The following MXI1 variants were observed in gnomAD, a reference collection of about 807,000 sequenced individuals.
The protein encoded by MXI1 is max-interacting protein 1.
A neutral mutation model predicts 36.9 loss-of-function variants in MXI1; 18 were observed. That is an observed-to-expected ratio of 0.49 (90% confidence interval 0.34 to 0.72). The LOEUF is 0.72. Ranked by LOEUF, MXI1 falls within the 30% of genes least tolerant of loss-of-function variation. MXI1 has a pLI of 0.01. For missense variants in MXI1, 304 were observed against 379.1 expected (o/e 0.80, Z 1.64); for synonymous variants, 160 against 146.7 (o/e 1.09, Z -0.65).
At chr10:110,284,793 A>ATGT (rs753910609) in intron 5 of MXI1, 31 bp from the exon 6 acceptor site, 189 of 1,017,880 alleles carry the variant, frequency 1.9e-4, no homozygotes, top group African/African-American at 5.7e-4. Flanking sequence ...TCGATAATTA[A>ATGT]TGTTCTTCTT....
chr10:110,219,820 A>G (rs141284153), intron 1 of MXI1, among the ~76,000 whole-genome samples: 14 of 152,226 alleles, frequency 9.2e-5, no homozygotes. Flanking sequence ...ATGCTTAAGG[A>G]ATATTTATTG....
intron 3 of MXI1, among the ~76,000 whole-genome samples, chr10:110,249,348 A>G (rs1379130363): frequency 1.1e-5 from 1 of 89,064 alleles, no homozygotes; most frequent in Non-Finnish European, 2.2e-5. Flanking sequence ...TCTTGGATAT[A>G]AGCTTCTCTG....
chr10:110,287,102 G>A lies in MXI1; in HGVS notation c.*2115G>A, dbSNP rs1300972040. 6.6e-6 allele frequency: 1 copy of A among 152,140 alleles called. No individual in the cohort carries two copies. Among genetic ancestry groups the A allele is most frequent in the Non-Finnish European group, 1.5e-5 (1 of 68,034 alleles). The allele number at this position is 152,140 out of a possible 1,614,324, so 9.4% of individuals were successfully genotyped here. A position where few individuals can be genotyped will look rare whatever the true frequency, so the allele number is the denominator to read the frequency against. ...CTTCTGTTTGTTTTGTTATTCTCAT[G>A]GCCTTCGCTTGCATTATTTGGGCCT... is the stretch of plus-strand genomic sequence containing the variant. On this transcript the variant is annotated 3_prime_UTR_variant, in exon 6 of 6. Transcript: ENST00000332674.
Position 110,227,661 on chromosome 10 carries a change from G to A in MXI1, c.275-528G>A, listed in dbSNP as rs967788492. The A allele has an allele frequency of 9.9e-6, 6 of 606,160 alleles. No individual in the cohort carries two copies. In the African/African-American group the frequency reaches 1.2e-4, roughly 12 times the overall value. 37.5% of individuals were successfully genotyped at this position (606,160 alleles called of 1,614,324 possible). A position where few individuals can be genotyped will look rare whatever the true frequency, so the allele number is the denominator to read the frequency against. ...TGGAGAGGGGCCTTTGAATACCTGC[G>A]GGGTGATGAGATGGGGTCCCTTTAG... On this transcript the variant is annotated intron_variant, in intron 1 of 5. Coordinates refer to ENST00000332674, the MANE Select transcript of MXI1 (RefSeq NM_130439.3).
At chr10:110,222,425 C>G (rs1434955071) in intron 1 of MXI1, among the ~76,000 whole-genome samples, 1 of 152,228 alleles carries the variant, frequency 6.6e-6, no homozygotes, top group African/African-American at 2.4e-5. Context: ...TACAACACAT[C>G]AGCCTCCATT....
At chr10:110,209,782 G>C (rs1050941658) in intron 1 of MXI1, among the ~76,000 whole-genome samples, 1 of 152,116 alleles carries the variant, frequency 6.6e-6, no homozygotes, top group Non-Finnish European at 1.5e-5. Context: ...TTTGTTGCAG[G>C]GGGGAGGGGC....
At chr10:110,275,847 A>C (rs1314568152) in intron 3 of MXI1, among the ~76,000 whole-genome samples, 1 of 152,256 alleles carries the variant, frequency 6.6e-6, no homozygotes, top group African/African-American at 2.4e-5. Context: ...TGTATTTACA[A>C]AATATGAAGA....
chr10:110,279,354 C>A, intron 4 of MXI1, 60 bp downstream of exon 4: 1 of 1,378,708 alleles, frequency 7.3e-7, no homozygotes, highest in Non-Finnish European at 1.0e-6. Context: ...ATTATTGGCA[C>A]TGATTCCTAT....
intron 3 of MXI1, among the ~76,000 whole-genome samples, chr10:110,274,872 ATTTTTT>A (rs66570053): frequency 3.6e-5 from 4 of 109,998 alleles, no homozygotes; most frequent in African/African-American, 7.5e-5. Flanking sequence ...GTGAATAAGG[ATTTTTT>A]TTTTTTTTTT....
intron 3 of MXI1, among the ~76,000 whole-genome samples, chr10:110,266,433 G>A (rs1856680439): frequency 6.6e-6 from 1 of 152,066 alleles, no homozygotes; most frequent in South Asian, 2.1e-4. Flanking sequence ...TTTAATGGCT[G>A]TGTTTTCTAT....
chr10:110,223,821 A>C (rs866621373), intron 1 of MXI1, among the ~76,000 whole-genome samples: 8 of 145,216 alleles, frequency 5.5e-5, no homozygotes, highest in African/African-American at 1.8e-4. Context: ...GAAAGCCTTT[A>C]CAAAAAAAAA....
At chr10:110,266,965 A>C (rs914999222) in intron 3 of MXI1, among the ~76,000 whole-genome samples, 1 of 152,222 alleles carries the variant, frequency 6.6e-6, no homozygotes, top group Non-Finnish European at 1.5e-5. Context: ...TTATTTTCTG[A>C]TACTTTTATC....
At chr10:110,267,820 T>C (rs1856727159) in intron 3 of MXI1, among the ~76,000 whole-genome samples, 2 of 152,294 alleles carry the variant, frequency 1.3e-5, no homozygotes, top group South Asian at 2.1e-4. Context: ...GAGCATGGGT[T>C]TGGCTGATTT....
chr10:110,252,877 A>G (rs754334369), intron 3 of MXI1, among the ~76,000 whole-genome samples: 6 of 152,164 alleles, frequency 3.9e-5, no homozygotes, highest in Admixed American at 6.5e-5. Flanking sequence ...AATTTAATGA[A>G]TTCTTAAGAT....
intron 3 of MXI1, among the ~76,000 whole-genome samples, chr10:110,253,310 G>GA (rs1856167445): frequency 6.6e-6 from 1 of 151,916 alleles, no homozygotes; most frequent in African/African-American, 2.4e-5. Context: ...GATGTTTTGA[G>GA]AGAGTGATGG....
At chr10:110,242,846 T>C (rs1855722922) in intron 2 of MXI1, among the ~76,000 whole-genome samples, 1 of 150,620 alleles carries the variant, frequency 6.6e-6, no homozygotes, top group Non-Finnish European at 1.5e-5. Flanking sequence ...CTGTTTAGAA[T>C]AAGTTTATGG....
intron 2 of MXI1, among the ~76,000 whole-genome samples, chr10:110,244,090 A>T (rs963698040): frequency 1.3e-5 from 2 of 152,094 alleles, no homozygotes; most frequent in African/African-American, 4.8e-5. Context: ...AATAAGATAT[A>T]TTAACTGCTT....
intron 1 of MXI1, among the ~76,000 whole-genome samples, chr10:110,210,980 T>C (rs767149025): frequency 6.6e-6 from 1 of 151,854 alleles, no homozygotes; most frequent in Non-Finnish European, 1.5e-5. Context: ...GATTCCAGCA[T>C]CTACCGGGTC....
intron 1 of MXI1, among the ~76,000 whole-genome samples, chr10:110,223,683 C>T (rs189475634): frequency 4.6e-4 from 70 of 152,242 alleles, no homozygotes; most frequent in Admixed American, 1.4e-3. Flanking sequence ...CCCTACCCAA[C>T]ATGGCCCTTG....
Sources: allele counts gnomAD v4.1 joint callset (sites outside exome capture counted in the v4.1 genomes callset), GRCh38; gene constraint gnomAD v4.1.1; transcripts MANE v1.5; gene names NCBI Gene and HGNC (gene_info 2026-07-23, HGNC 2026-07-21).